DSC2: variants seen among roughly 807,000 people sequenced by gnomAD.
DSC2 encodes the protein desmocollin-2.
In DSC2, 51 loss-of-function variants were observed where a neutral mutation model predicts 87.6. That is an observed-to-expected ratio of 0.58 (90% CI 0.46 to 0.74). The LOEUF (loss-of-function observed/expected upper bound fraction) is 0.74, where lower values mean the gene tolerates loss of function less well. Among genes scored for constraint, DSC2 ranks in the 30% least tolerant of loss-of-function variants. The probability of loss-of-function intolerance (pLI) is 0.00; values close to 1 mark genes in which losing one functional copy is unlikely to be tolerated. For missense variants in DSC2, 1,066 were observed against 1,089.5 expected (o/e 0.98, Z 0.30); for synonymous variants, 383 against 393.2 (o/e 0.97, Z 0.31).
intron 1 of DSC2, 153 bp downstream of exon 1, chr18:31,101,750 C>A (rs1191630050): frequency 7.3e-6 from 5 of 685,912 alleles, no homozygotes; most frequent in Non-Finnish European, 7.0e-6. Flanking sequence ...TATCTGCCCT[C>A]CCCCACCCCC....
At chr18:31,087,577 G>A (rs12968497) in intron 6 of DSC2, 92 bp downstream of exon 6, 2 of 1,409,152 alleles carry the variant, frequency 1.4e-6, no homozygotes, top group Non-Finnish European at 2.0e-6. Context: ...TCTTGCTGCT[G>A]GGATACGCTG....
rs141734621 is a variant in DSC2, at chr18:31,071,318, G to T, written c.2125+287C>A. ...TCCCAGCACTTTGAGAGGCCGAGGT[G>T]GGGGGATCACTTGAGGCCAGGAGAT... On this transcript the variant is annotated intron_variant, in intron 13 of 15. Coordinates refer to ENST00000280904, the MANE Select transcript of DSC2 (RefSeq NM_024422.6). 8.1e-3 allele frequency among the ~76,000 whole-genome samples: 1,232 copies of T among 152,154 alleles called. 44 individuals carry two copies. Among genetic ancestry groups the T allele is most frequent in the Admixed American group, 0.055 (846 of 15,266 alleles).
At chr18:31,076,962 C>T (rs571137436) in intron 11 of DSC2, among the ~76,000 whole-genome samples, 1 of 152,080 alleles carries the variant, frequency 6.6e-6, no homozygotes, top group Non-Finnish European at 1.5e-5. Context: ...GCTGTTGACT[C>T]AGAATTTTAA....
At chr18:31,078,439 A>T (rs571786401) in intron 11 of DSC2, among the ~76,000 whole-genome samples, 15 of 152,194 alleles carry the variant, frequency 9.9e-5, no homozygotes, top group Non-Finnish European at 1.9e-4. Flanking sequence ...TCAATCACTT[A>T]AACTCCTCTG....
rs549653492 is a variant in DSC2 at position 31,064,513 on chromosome 18, G to T, written c.*3502C>A. On this transcript the variant is annotated 3_prime_UTR_variant, in exon 16 of 16. Transcript: ENST00000280904. ...GAGGATGCTATGGAAAGAAGAGAGAGGAATCAAGGATTCTCTGTTTCAAGC... is the reference window on the plus strand; with the variant it reads ...GAGGATGCTATGGAAAGAAGAGAGATGAATCAAGGATTCTCTGTTTCAAGC... 5.3e-5 allele frequency: 8 copies of T among 152,282 alleles called. No homozygotes were observed. The highest frequency in any genetic ancestry group is 1.9e-4 in the African/African-American group (8 of 41,562). The allele number at this position is 152,282 out of a possible 1,614,324, so 9.4% of individuals were successfully genotyped here. A position where few individuals can be genotyped will look rare whatever the true frequency, so the allele number is the denominator to read the frequency against.
chr18:31,101,757 C>T lies in DSC2; in HGVS notation c.69+146G>A. On this transcript the variant is annotated intron_variant, in intron 1 of 15. Coordinates refer to ENST00000280904, the MANE Select transcript of DSC2 (RefSeq NM_024422.6). ...CCTCTTCCTATCTGCCCTCCCCCAC[C>T]CCCGCCAACTCCATTTTCTAGCCAC... The T allele has an allele frequency of 9.5e-6, 6 of 632,686 alleles. No homozygotes were observed. The South Asian group carries it at 1.1e-4, about 11-fold the overall frequency. 39.2% of individuals were successfully genotyped at this position (632,686 alleles called of 1,614,324 possible).
chr18:31,090,348 C>T (rs1387067724), intron 4 of DSC2, among the ~76,000 whole-genome samples: 1 of 152,164 alleles, frequency 6.6e-6, no homozygotes, highest in Non-Finnish European at 1.5e-5. Flanking sequence ...AAACCAAAGT[C>T]ATAGACTGAA....
intron 7 of DSC2, 66 bp downstream of exon 7, chr18:31,086,510 A>G (rs1285311613): frequency 2.3e-5 from 36 of 1,573,298 alleles, no homozygotes; most frequent in Non-Finnish European, 3.1e-5. Context: ...AAACACATCT[A>G]CAGGAGTTAT....
intron 3 of DSC2, chr18:31,091,633 T>C (rs570359006): frequency 2.2e-6 from 1 of 458,228 alleles, no homozygotes; most frequent in Admixed American, 2.3e-5. Flanking sequence ...GAATGGCTAA[T>C]GGTTGAATAC....
intron 11 of DSC2, among the ~76,000 whole-genome samples, chr18:31,075,394 G>A (rs1986981545): frequency 6.6e-6 from 1 of 152,138 alleles, no homozygotes; most frequent in Non-Finnish European, 1.5e-5. Flanking sequence ...TTAGGTTTTG[G>A]AGCAAAGAAA....
Position 31,067,893 on chromosome 18 carries a change from C to T in DSC2, c.*122G>A. 1 of 869,936 alleles carries T rather than the reference C, an allele frequency of 1.1e-6. No individual in the cohort carries two copies. The allele number at this position is 869,936 out of a possible 1,614,324, so 53.9% of individuals were successfully genotyped here. On this transcript the variant is annotated 3_prime_UTR_variant, in exon 16 of 16. Coordinates refer to ENST00000280904, the MANE Select transcript of DSC2 (RefSeq NM_024422.6). Reference sequence around the variant, plus strand: ...AAATGTGCATTTGACCAAAGAGATTCCATCCAAATAATGAGAGAAAAACCC... The same window carrying T: ...AAATGTGCATTTGACCAAAGAGATTTCATCCAAATAATGAGAGAAAAACCC...
Position 31,064,875 on chromosome 18 carries a change from C to T in DSC2, c.*3140G>A, listed in dbSNP as rs9304077. Reference sequence around the variant, plus strand: ...TGGAGATGGAGACAAAAGGGAAGCCCGTAGTCAAAGTCAGATTTGGCAAAA... The same window carrying T: ...TGGAGATGGAGACAAAAGGGAAGCCTGTAGTCAAAGTCAGATTTGGCAAAA... On this transcript the variant is annotated 3_prime_UTR_variant, in exon 16 of 16. Coordinates refer to ENST00000280904, the MANE Select transcript of DSC2 (RefSeq NM_024422.6). 0.17 allele frequency: 25,696 copies of T among 151,898 alleles called. 3,435 individuals are homozygous for T. The highest frequency in any genetic ancestry group is 0.37 in the African/African-American group (15,452 of 41,374). The allele number at this position is 151,898 out of a possible 1,614,324, so 9.4% of individuals were successfully genotyped here. A position where few individuals can be genotyped will look rare whatever the true frequency, so the allele number is the denominator to read the frequency against.
chr18:31,090,916 T>A, intron 4 of DSC2, 112 bp downstream of exon 4: 1 of 1,413,332 alleles, frequency 7.1e-7, no homozygotes. Flanking sequence ...ATACACATAC[T>A]CATTCACTCA....
At position 31,066,399 on chromosome 18, in the gene DSC2, A is replaced by G. The variant is rs979910012; in HGVS notation, c.*1616T>C. 3.9e-5 allele frequency: 6 copies of G among 152,138 alleles called. No homozygotes were observed. Among genetic ancestry groups the G allele is most frequent in the African/African-American group, 1.2e-4 (5 of 41,436 alleles). 9.4% of individuals were successfully genotyped at this position (152,138 alleles called of 1,614,324 possible). The stretch of plus-strand genomic sequence containing the variant: ...CTTAATTTACTTTATCATGACTAGT[A>G]ATATATAAGAATTTTGTATATACTT... On this transcript the variant is annotated 3_prime_UTR_variant, in exon 16 of 16. Transcript: ENST00000280904.
intron 1 of DSC2, among the ~76,000 whole-genome samples, chr18:31,097,243 A>G (rs1364489810): frequency 6.6e-6 from 1 of 151,424 alleles, no homozygotes; most frequent in African/African-American, 2.4e-5. Context: ...AGCAGAGATC[A>G]CGCCACTGCA....
At position 31,063,752 on chromosome 18, in the gene DSC2, T is replaced by C. The variant is rs891299483; in HGVS notation, c.*4263A>G. 6 of 152,160 alleles carry C rather than the reference T, an allele frequency of 3.9e-5. No homozygotes were observed. The highest frequency in any genetic ancestry group is 1.4e-4 in the African/African-American group (6 of 41,442). 9.4% of individuals were successfully genotyped at this position (152,160 alleles called of 1,614,324 possible). ...TGAGACTACATCCCAATAAGCTTATTTTAAGTTGAACATATGGTAAATGGA... is the reference window on the plus strand; with the variant it reads ...TGAGACTACATCCCAATAAGCTTATCTTAAGTTGAACATATGGTAAATGGA... On this transcript the variant is annotated 3_prime_UTR_variant, in exon 16 of 16. Transcript: ENST00000280904.
At chr18:31,092,375 G>T in intron 2 of DSC2, 75 bp from the exon 3 acceptor site, 1 of 1,329,376 alleles carries the variant, frequency 7.5e-7, no homozygotes. Context: ...GTATGCACGT[G>T]GGGAGAGCCA....
intron 2 of DSC2, among the ~76,000 whole-genome samples, chr18:31,093,277 C>T (rs150535517): frequency 1.3e-5 from 2 of 152,164 alleles, no homozygotes; most frequent in African/African-American, 4.8e-5. Context: ...AGCTATTTTT[C>T]CTGATGCTCT....
At chr18:31,085,954 T>C (rs1394764542) in intron 7 of DSC2, among the ~76,000 whole-genome samples, 2 of 151,996 alleles carry the variant, frequency 1.3e-5, no homozygotes, top group African/African-American at 4.8e-5. Flanking sequence ...AAACATGCTT[T>C]AGGAAGTGAT....
Sources: gnomAD v4.1 joint callset for allele counts (sites outside exome capture counted in the v4.1 genomes callset) on GRCh38, gnomAD v4.1.1 for gene constraint, MANE v1.5 for transcripts, NCBI Gene and HGNC (gene_info 2026-07-23, HGNC 2026-07-21) for gene names.